Variants in ACAP2 observed in about 807,000 individuals in gnomAD.
ACAP2 encodes arf-GAP with coiled-coil, ANK repeat and PH domain-containing protein 2.
ACAP2 carries 39 observed loss-of-function variants against 115.8 expected under a neutral mutation model. The observed-to-expected ratio is 0.34, with a 90% CI of 0.26 to 0.44. The LOEUF (loss-of-function observed/expected upper bound fraction) is 0.44, where lower values mean the gene tolerates loss of function less well. Among genes scored for constraint, ACAP2 ranks in the 20% least tolerant of loss-of-function variants. The pLI, the probability that ACAP2 is intolerant of heterozygous loss-of-function variation, is 1.00. For missense variants in ACAP2, 662 were observed against 927.6 expected (o/e 0.71, Z 3.72); for synonymous variants, 289 against 315.8 (o/e 0.92, Z 0.90).
At chr3:195,406,333 G>A (rs1460883763) in intron 1 of ACAP2, among the ~76,000 whole-genome samples, 7 of 152,198 alleles carry the variant, frequency 4.6e-5, no homozygotes, top group Non-Finnish European at 7.3e-5. Context: ...CTTCAGTCAT[G>A]TGTACTCAGG....
intron 15 of ACAP2, among the ~76,000 whole-genome samples, chr3:195,300,044 C>CTTT (rs765234326): frequency 5.8e-4 from 20 of 34,348 alleles, no homozygotes; most frequent in South Asian, 1.8e-3. Flanking sequence ...CTTTTTTTTT[C>CTTT]TTTTTTTTTT....
At chr3:195,412,527 G>A (rs1242807436) in intron 1 of ACAP2, among the ~76,000 whole-genome samples, 3 of 152,074 alleles carry the variant, frequency 2.0e-5, no homozygotes, top group Admixed American at 6.6e-5. Context: ...CAGGAGAAGC[G>A]CTTGAACCCG....
intron 16 of ACAP2, 29 bp downstream of exon 16, chr3:195,297,161 T>C: frequency 6.4e-7 from 1 of 1,574,242 alleles, no homozygotes. Flanking sequence ...ATATTCCTAA[T>C]TAGGGGGAAA....
At chr3:195,343,020 A>G (rs1730978460) in intron 5 of ACAP2, among the ~76,000 whole-genome samples, 1 of 152,036 alleles carries the variant, frequency 6.6e-6, no homozygotes, top group Admixed American at 6.6e-5. Flanking sequence ...TTAGCAAAAT[A>G]ACATTTAGAA....
At chr3:195,437,885 C>CT (rs1186712431) in intron 1 of ACAP2, among the ~76,000 whole-genome samples, 38,165 of 90,626 alleles carry the variant, frequency 0.42, 8,204 homozygotes, top group East Asian at 0.68. Flanking sequence ...ACTTTACATG[C>CT]TTTTTTTTTT....
chr3:195,345,021 A>G (rs138337796), intron 5 of ACAP2, among the ~76,000 whole-genome samples: 151 of 152,316 alleles, frequency 9.9e-4, no homozygotes, highest in Middle Eastern at 6.8e-3. Flanking sequence ...ATAGCTACAT[A>G]TCCTAGCCAA....
At chr3:195,398,003 C>T (rs11928623) in intron 1 of ACAP2, among the ~76,000 whole-genome samples, 416 of 152,246 alleles carry the variant, frequency 2.7e-3, no homozygotes, top group African/African-American at 9.4e-3. Flanking sequence ...CACTTCTAGG[C>T]GTGCAAAAGG....
chr3:195,396,516 G>A (rs966497623), intron 1 of ACAP2, among the ~76,000 whole-genome samples: 7 of 152,056 alleles, frequency 4.6e-5, no homozygotes, highest in African/African-American at 7.2e-5. Flanking sequence ...GGCCGGGCAC[G>A]GTGGCTCACG....
At chr3:195,377,180 T>C (rs1733612645) in intron 4 of ACAP2, among the ~76,000 whole-genome samples, 1 of 127,496 alleles carries the variant, frequency 7.8e-6, no homozygotes, top group African/African-American at 2.9e-5. Flanking sequence ...GGTCTCACTG[T>C]GTCACTCAGG....
rs561747878 is a variant in ACAP2, at chr3:195,429,990, A to G, written c.53+12805T>C. On this transcript the variant is annotated intron_variant, in intron 1 of 22. Transcript: ENST00000326793. ...GGGGTCATTAATATTATTCTGTTTA[A>G]TTTGTATATGCTTGAAATTTTCTAT... Among the ~76,000 whole-genome samples, 4 of 152,318 alleles carry G rather than the reference A, an allele frequency of 2.6e-5. No individual in the cohort carries two copies. The South Asian group carries it at 6.2e-4, about 24-fold the overall frequency.
At chr3:195,335,540 T>C (rs888498970) in intron 7 of ACAP2, among the ~76,000 whole-genome samples, 1 of 152,178 alleles carries the variant, frequency 6.6e-6, no homozygotes, top group African/African-American at 2.4e-5. Flanking sequence ...ATATGAATAG[T>C]GGCTTCCCCT....
intron 10 of ACAP2, among the ~76,000 whole-genome samples, chr3:195,319,545 T>C (rs1029717229): frequency 6.6e-6 from 1 of 152,212 alleles, no homozygotes; most frequent in Admixed American, 6.5e-5. Context: ...ATGTGAGACA[T>C]GGAGTCAAAG....
chr3:195,309,218 A>G (rs1728601445), intron 10 of ACAP2, among the ~76,000 whole-genome samples: 1 of 152,202 alleles, frequency 6.6e-6, no homozygotes, highest in South Asian at 2.1e-4. Context: ...TTTCTCATAA[A>G]GTTGGCATAA....
At chr3:195,336,828 T>C in intron 7 of ACAP2, 104 bp downstream of exon 7, 3 of 909,686 alleles carry the variant, frequency 3.3e-6, no homozygotes, top group African/African-American at 1.7e-5. Context: ...GAAGAGCAAT[T>C]ATAAACCTTA....
At chr3:195,390,044 A>C (rs1439513859) in intron 2 of ACAP2, among the ~76,000 whole-genome samples, 1 of 152,134 alleles carries the variant, frequency 6.6e-6, no homozygotes, top group African/African-American at 2.4e-5. Flanking sequence ...AAAATACAAA[A>C]ACTTAGCCAG....
At chr3:195,419,615 G>C (rs544055331) in intron 1 of ACAP2, 1 of 152,132 alleles carries the variant, frequency 6.6e-6, no homozygotes, top group African/African-American at 2.4e-5. Flanking sequence ...GTCATGCTTA[G>C]ACAGACTGTC....
chr3:195,351,274 C>A (rs529676058), intron 4 of ACAP2, among the ~76,000 whole-genome samples: 1 of 151,772 alleles, frequency 6.6e-6, no homozygotes, highest in Non-Finnish European at 1.5e-5. Context: ...CATGCCACCA[C>A]GCCAGTTAAT....
intron 4 of ACAP2, among the ~76,000 whole-genome samples, chr3:195,371,058 T>A (rs1733103078): frequency 6.6e-6 from 1 of 152,194 alleles, no homozygotes; most frequent in Non-Finnish European, 1.5e-5. Context: ...ACTTTTTTGG[T>A]TCCATATAAA....
chr3:195,344,409 G>A (rs1160013063), intron 5 of ACAP2, among the ~76,000 whole-genome samples: 13 of 152,010 alleles, frequency 8.6e-5, no homozygotes, highest in Non-Finnish European at 1.8e-4. Flanking sequence ...TATTATTAAT[G>A]TGAAAAAGAA....
Sources: allele counts gnomAD v4.1 joint callset (sites outside exome capture counted in the v4.1 genomes callset), GRCh38; gene constraint gnomAD v4.1.1; transcripts MANE v1.5; gene names NCBI Gene and HGNC (gene_info 2026-07-23, HGNC 2026-07-21).